Variants in NDST4 observed in about 807,000 individuals in gnomAD.
NDST4 encodes the protein N-heparan sulfate sulfotransferase 4.
A neutral mutation model predicts 100.8 loss-of-function variants in NDST4; 63 were observed. That is an observed-to-expected ratio of 0.62 (90% CI 0.51 to 0.77). NDST4 has a LOEUF of 0.77. Among genes scored for constraint, NDST4 ranks in the 30% least tolerant of loss-of-function variants. NDST4 has a pLI of 0.00. For missense variants in NDST4, 943 were observed against 1,018.4 expected (o/e 0.93, Z 1.01); for synonymous variants, 377 against 361.8 (o/e 1.04, Z -0.48).
chr4:115,085,987 A>C (rs890288208), intron 1 of NDST4, among the ~76,000 whole-genome samples: 1 of 152,166 alleles, frequency 6.6e-6, no homozygotes, highest in African/African-American at 2.4e-5. Context: ...TTGGATACCA[A>C]TGTAAGATTA....
chr4:115,060,241 T>C (rs1397236657), intron 2 of NDST4, among the ~76,000 whole-genome samples: 1 of 151,910 alleles, frequency 6.6e-6, no homozygotes, highest in Non-Finnish European at 1.5e-5. Flanking sequence ...CTAAAAAAAG[T>C]TTATGGGTTT....
At chr4:114,848,143 T>A (rs1723594117) in intron 9 of NDST4, 72 bp downstream of exon 9, 4 of 1,278,794 alleles carry the variant, frequency 3.1e-6, no homozygotes, top group Non-Finnish European at 4.3e-6. Flanking sequence ...ATGCCACACA[T>A]ACATCTGTAA....
At chr4:114,975,499 C>A (rs778743565) in intron 3 of NDST4, among the ~76,000 whole-genome samples, 4 of 152,062 alleles carry the variant, frequency 2.6e-5, no homozygotes, top group Non-Finnish European at 4.4e-5. Context: ...ATAACTATTT[C>A]TGTGATACTG....
intron 2 of NDST4, among the ~76,000 whole-genome samples, chr4:115,049,147 T>A (rs956680499): frequency 3.3e-5 from 5 of 152,158 alleles, no homozygotes; most frequent in African/African-American, 1.2e-4. Flanking sequence ...ATCTTTACAG[T>A]CAGTATATTC....
Position 115,056,356 on chromosome 4 carries a change from G to C in NDST4, c.978+19703C>G, listed in dbSNP as rs139908406. Among the ~76,000 whole-genome samples the C allele has an allele frequency of 3.7e-3, 566 of 152,196 alleles. 3 individuals are homozygous for C. The highest frequency in any genetic ancestry group is 4.8e-3 in the South Asian group (23 of 4,818). On this transcript the variant is annotated intron_variant, in intron 2 of 13. Transcript: ENST00000264363. ...AGACCCTGTCTCAAAAACATTTATA[G>C]TATTAGCTTATAATATAAAGAGTAA...
At chr4:114,861,484 A>C (rs773780060) in intron 7 of NDST4, among the ~76,000 whole-genome samples, 4 of 152,148 alleles carry the variant, frequency 2.6e-5, no homozygotes, top group Non-Finnish European at 5.9e-5. Flanking sequence ...CAATTGGAGC[A>C]AGAGAAAGAG....
chr4:114,877,956 GA>G lies in NDST4; in HGVS notation c.1537-7007del, dbSNP rs773927783. Among the ~76,000 whole-genome samples, 197 of 130,436 alleles carry G rather than the reference GA, an allele frequency of 1.5e-3. 1 individual carries two copies. Among genetic ancestry groups the G allele is most frequent in the African/African-American group, 4.1e-3 (146 of 35,414 alleles). 85.6% of individuals were successfully genotyped at this position (130,436 alleles called of 152,430 possible). ...ATGAGAAGTAAGAGAAAGAGGAGAG[GA>G]AAAAAAAAATAAAGAAGGAAAGAAA... On this transcript the variant is annotated intron_variant, in intron 6 of 13. Transcript: ENST00000264363.
chr4:114,951,364 T>C (rs1725986634), intron 4 of NDST4, among the ~76,000 whole-genome samples: 1 of 152,046 alleles, frequency 6.6e-6, no homozygotes, highest in Admixed American at 6.6e-5. Flanking sequence ...GCAAAGCAAA[T>C]TAGAATGTCT....
intron 2 of NDST4, among the ~76,000 whole-genome samples, chr4:115,041,607 G>T (rs1237641426): frequency 1.3e-5 from 2 of 151,954 alleles, no homozygotes; most frequent in Non-Finnish European, 2.9e-5. Context: ...TGAATGTAAA[G>T]AAAAAAAGAT....
At chr4:114,850,611 GA>G (rs1254935916) in intron 8 of NDST4, among the ~76,000 whole-genome samples, 2 of 151,790 alleles carry the variant, frequency 1.3e-5, no homozygotes, top group African/African-American at 4.8e-5. Flanking sequence ...GGAAGAAGAG[GA>G]AAAAATCCTA....
At position 114,880,211 on chromosome 4, in the gene NDST4, C is replaced by T. The variant is rs190347336; in HGVS notation, c.1537-9261G>A. ...TTAAAAGGCAACACATGCTCACAACCGTACAGTTGTTGCATATATTTGTGT... is the reference window on the plus strand; with the variant it reads ...TTAAAAGGCAACACATGCTCACAACTGTACAGTTGTTGCATATATTTGTGT... On this transcript the variant is annotated intron_variant, in intron 6 of 13. Transcript: ENST00000264363. Among the ~76,000 whole-genome samples the T allele has an allele frequency of 8.9e-4, 136 of 152,224 alleles. 1 individual carries two copies. The highest frequency in any genetic ancestry group is 3.0e-3 in the African/African-American group (123 of 41,538).
intron 6 of NDST4, among the ~76,000 whole-genome samples, chr4:114,932,094 A>C (rs1231216683): frequency 6.6e-6 from 1 of 151,928 alleles, no homozygotes; most frequent in East Asian, 1.9e-4. Context: ...AAAAGTTCTC[A>C]ATGAAATCCT....
intron 6 of NDST4, among the ~76,000 whole-genome samples, chr4:114,907,908 A>G (rs758930388): frequency 1.3e-5 from 2 of 152,204 alleles, no homozygotes; most frequent in African/African-American, 2.4e-5. Context: ...GTGTGAGACT[A>G]ACTAGAGTCA....
At chr4:114,957,424 C>A (rs1324518548) in intron 4 of NDST4, among the ~76,000 whole-genome samples, 1 of 152,036 alleles carries the variant, frequency 6.6e-6, no homozygotes, top group African/African-American at 2.4e-5. Context: ...TGGGAAAGAC[C>A]CAACCCCATG....
chr4:114,940,506 C>A (rs1472188195), intron 4 of NDST4, among the ~76,000 whole-genome samples: 1 of 152,210 alleles, frequency 6.6e-6, no homozygotes, highest in African/African-American at 2.4e-5. Context: ...CAGCCCACAG[C>A]TTTCAATCCC....
intron 6 of NDST4, among the ~76,000 whole-genome samples, chr4:114,881,368 G>C (rs1724363717): frequency 1.3e-5 from 2 of 152,104 alleles, no homozygotes; most frequent in Admixed American, 1.3e-4. Flanking sequence ...GGAAAAAAAG[G>C]AAGGATCGAA....
intron 8 of NDST4, among the ~76,000 whole-genome samples, chr4:114,852,366 G>GT (rs1723696762): frequency 6.6e-6 from 1 of 151,964 alleles, no homozygotes; most frequent in East Asian, 1.9e-4. Context: ...GCCAAAACAT[G>GT]TTTTTATAAA....
intron 4 of NDST4, chr4:114,955,780 A>G (rs1331013002): frequency 6.6e-6 from 1 of 152,226 alleles, no homozygotes; most frequent in Non-Finnish European, 1.5e-5. Context: ...AATGGTAAGA[A>G]CAGTGAGAGT....
In NDST4 at chr4:114,833,700, C is replaced by A; in HGVS notation, c.2302G>T (p.Gly768Ter). The change falls in exon 12 of 14, where the codon GGA (glycine) becomes TGA (stop). Residue 768 changes from glycine (G) to a stop codon, truncating the protein, a stop_gained. Coordinates refer to ENST00000264363, the MANE Select transcript of NDST4 (RefSeq NM_022569.3). LOFTEE classifies it high-confidence loss of function. ...GCTGGGTCAGATCTCAGCTGCTGTC[C>A]ATCAATAATTAGCAACTGTAAAGTC... ...FATSQLLIID[G>*]QQLRSDPATV... 3 of 1,607,906 alleles carry A rather than the reference C, an allele frequency of 1.9e-6. No individual in the cohort carries two copies. Among genetic ancestry groups the A allele is most frequent in the Non-Finnish European group, 2.5e-6 (3 of 1,177,434 alleles).
Sources: allele counts gnomAD v4.1 joint callset (sites outside exome capture counted in the v4.1 genomes callset), GRCh38; gene constraint gnomAD v4.1.1; transcripts MANE v1.5; gene names NCBI Gene and HGNC (gene_info 2026-07-23, HGNC 2026-07-21).